PLCH1: variants seen among roughly 807,000 people sequenced by gnomAD.
PLCH1 encodes the protein phospholipase C eta 1, also known as 1-phosphatidylinositol 4,5-bisphosphate phosphodiesterase eta-1.
A neutral mutation model predicts 126.7 loss-of-function variants in PLCH1; 60 were observed. The ratio of observed to expected loss-of-function variants is 0.47; its 90% CI spans 0.38 to 0.59. The LOEUF is 0.59. Among genes scored for constraint, PLCH1 ranks in the 20% least tolerant of loss-of-function variants. PLCH1 has a pLI of 0.00. For missense variants in PLCH1, 1,723 were observed against 2,040.0 expected (o/e 0.84, Z 2.99); for synonymous variants, 719 against 734.9 (o/e 0.98, Z 0.35).
intron 2 of PLCH1, among the ~76,000 whole-genome samples, chr3:155,692,985 T>C (rs1347030081): frequency 6.6e-6 from 1 of 151,802 alleles, no homozygotes; most frequent in Non-Finnish European, 1.5e-5. Context: ...GGTTTCACCG[T>C]GTTAACCAGG....
intron 2 of PLCH1, among the ~76,000 whole-genome samples, chr3:155,646,266 T>A (rs1213861363): frequency 6.6e-6 from 1 of 152,200 alleles, no homozygotes; most frequent in African/African-American, 2.4e-5. Flanking sequence ...GGCTTCAGGC[T>A]CAAGCCTGGA....
chr3:155,743,485 T>C (rs761356335), intron 1 of PLCH1: 13 of 430,814 alleles, frequency 3.0e-5, no homozygotes, highest in South Asian at 1.5e-4. Flanking sequence ...TGAGCCGAGA[T>C]CGCACCACTG....
intron 1 of PLCH1, among the ~76,000 whole-genome samples, chr3:155,734,674 A>G (rs1261316058): frequency 6.6e-6 from 1 of 151,136 alleles, no homozygotes; most frequent in African/African-American, 2.4e-5. Flanking sequence ...AAAATGTGGT[A>G]TATATATATA....
chr3:155,620,976 C>A (rs1006099330), intron 2 of PLCH1, among the ~76,000 whole-genome samples: 1 of 152,174 alleles, frequency 6.6e-6, no homozygotes, highest in African/African-American at 2.4e-5. Flanking sequence ...GAAGACACCT[C>A]CCAGTAGGGG....
chr3:155,454,982 G>T (rs1001553678), intron 21 of PLCH1, among the ~76,000 whole-genome samples: 4 of 152,168 alleles, frequency 2.6e-5, no homozygotes, highest in African/African-American at 9.7e-5. Flanking sequence ...TGGCAAAGAG[G>T]TGAAGCTTCT....
rs148522976 is a variant in PLCH1, at chr3:155,565,000, T to C, written c.984A>G (p.Thr328=). The C allele has an allele frequency of 6.2e-7, 1 of 1,613,726 alleles. No individual in the cohort carries two copies. Among genetic ancestry groups the C allele is most frequent in the African/African-American group, 1.3e-5 (1 of 75,024 alleles). Residue 328 remains threonine, a synonymous_variant, in exon 8 of 23, where the codon ACA becomes ACG. Transcript: ENST00000460012. Reference sequence around the variant, plus strand: ...AAAGGAGCTGGTCTCCAGTCAGGTATGTATTGTGAGAGGAAGCAATGTAGT... The same window carrying C: ...AAAGGAGCTGGTCTCCAGTCAGGTACGTATTGTGAGAGGAAGCAATGTAGT... ...CNYYIASSHN[T]YLTGDQLLSQ... is the part of the protein sequence containing the mutation.
intron 2 of PLCH1, among the ~76,000 whole-genome samples, chr3:155,698,852 A>G (rs932025678): frequency 2.6e-5 from 4 of 152,132 alleles, no homozygotes; most frequent in East Asian, 3.8e-4. Context: ...GTGGCCATCA[A>G]TGGGAGGTAG....
chr3:155,589,172 A>G (rs1380124413), intron 4 of PLCH1, among the ~76,000 whole-genome samples: 1 of 152,194 alleles, frequency 6.6e-6, no homozygotes, highest in Non-Finnish European at 1.5e-5. Context: ...GAATGATCCT[A>G]TCTAGCACAG....
chr3:155,687,502 T>C (rs578174057), intron 2 of PLCH1, among the ~76,000 whole-genome samples: 195 of 152,276 alleles, frequency 1.3e-3, no homozygotes, highest in African/African-American at 4.5e-3. Context: ...ATTACTAGTA[T>C]CAGAAACATG....
chr3:155,521,010 C>A (rs867450243), intron 11 of PLCH1, among the ~76,000 whole-genome samples: 15 of 152,296 alleles, frequency 9.8e-5, no homozygotes, highest in Middle Eastern at 3.4e-3. Context: ...CTGGCCTTTG[C>A]GCTTGGGGTT....
chr3:155,577,398 A>G (rs1347448597), intron 6 of PLCH1, among the ~76,000 whole-genome samples: 1 of 151,748 alleles, frequency 6.6e-6, no homozygotes, highest in Non-Finnish European at 1.5e-5. Flanking sequence ...TTTTTCCTCA[A>G]TGGTCTAGGA....
chr3:155,623,085 A>C (rs1257456596), intron 2 of PLCH1, among the ~76,000 whole-genome samples: 1 of 152,224 alleles, frequency 6.6e-6, no homozygotes, highest in Non-Finnish European at 1.5e-5. Flanking sequence ...AGTGCAATCA[A>C]ATTAGAACTC....
At chr3:155,501,372 T>G (rs1717864600) in intron 13 of PLCH1, among the ~76,000 whole-genome samples, 1 of 152,204 alleles carries the variant, frequency 6.6e-6, no homozygotes, top group Admixed American at 6.5e-5. Flanking sequence ...GCTGAAAGGC[T>G]CCAGGTCTAA....
chr3:155,628,139 C>A (rs1023831084), intron 2 of PLCH1, among the ~76,000 whole-genome samples: 2 of 152,074 alleles, frequency 1.3e-5, no homozygotes, highest in Non-Finnish European at 2.9e-5. Flanking sequence ...TGAGTTATTT[C>A]ATGTATATAC....
At chr3:155,628,187 A>G (rs962836438) in intron 2 of PLCH1, among the ~76,000 whole-genome samples, 3 of 151,996 alleles carry the variant, frequency 2.0e-5, no homozygotes, top group African/African-American at 7.3e-5. Flanking sequence ...TCAGGGATAC[A>G]CCACCCCAAA....
At chr3:155,568,940 A>G (rs1347737834) in intron 6 of PLCH1, among the ~76,000 whole-genome samples, 1 of 152,328 alleles carries the variant, frequency 6.6e-6, no homozygotes, top group East Asian at 1.9e-4. Context: ...CCTAGTTTAT[A>G]TTATTAATAG....
At position 155,693,471 on chromosome 3, in the gene PLCH1, CA is replaced by C. The variant is rs1227159940; in HGVS notation, c.79+10674del. On this transcript the variant is annotated intron_variant, in intron 2 of 22. Transcript: ENST00000460012. ...TGGGCGACAGAGCGAGACTCCGTCT[CA>C]AAAAAAAAAAAAAAAAAAAAAAAGA... Among the ~76,000 whole-genome samples the C allele has an allele frequency of 8.5e-3, 88 of 10,350 alleles. 1 individual carries two copies. The highest frequency in any genetic ancestry group is 0.016 in the South Asian group (2 of 128). 6.8% of individuals were successfully genotyped at this position (10,350 alleles called of 152,430 possible).
Position 155,485,546 on chromosome 3 carries a change from G to T in PLCH1, c.2784C>A (p.Phe928Leu). ...AATCCTTTATCTCCACCATTTCTTG[G>T]AAGCCCATTTTGCTCTTTTTCCTGC... ...AKGRKKSKMG[F>L]QEMVEIKDSV... The change falls in exon 22 of 23, where the codon TTC becomes TTA. Residue 928 changes from phenylalanine (F) to leucine (L), a missense_variant. By Grantham distance (22) the Phe-to-Leu change is conservative. Transcript: ENST00000460012. 6.2e-7 allele frequency: 1 copy of T among 1,614,130 alleles called. No individual in the cohort carries two copies. The highest frequency in any genetic ancestry group is 2.2e-5 in the East Asian group (1 of 44,858).
At chr3:155,691,961 G>A (rs1745417424) in intron 2 of PLCH1, among the ~76,000 whole-genome samples, 1 of 151,960 alleles carries the variant, frequency 6.6e-6, no homozygotes, top group Non-Finnish European at 1.5e-5. Context: ...AACCCAGGAG[G>A]TGGAGGTTGC....
Sources: gnomAD v4.1 joint callset for allele counts (sites outside exome capture counted in the v4.1 genomes callset) on GRCh38, gnomAD v4.1.1 for gene constraint, MANE v1.5 for transcripts, NCBI Gene and HGNC (gene_info 2026-07-23, HGNC 2026-07-21) for gene names.